The following LRCH3 variants were observed in gnomAD, a reference collection of about 807,000 sequenced individuals.
LRCH3 encodes DISP complex protein LRCH3.
In LRCH3, 68 loss-of-function variants were observed where a neutral mutation model predicts 104.5. That is an observed-to-expected ratio of 0.65 (90% CI 0.54 to 0.80). The LOEUF (loss-of-function observed/expected upper bound fraction) is 0.80. Ranked by LOEUF, LRCH3 falls within the 30% of genes least tolerant of loss-of-function variation. The probability of loss-of-function intolerance (pLI) is 0.00; values close to 1 mark genes in which losing one functional copy is unlikely to be tolerated. For synonymous variants in LRCH3, 344 were observed against 361.3 expected, an observed-to-expected ratio of 0.95 and a Z score of 0.54; for missense variants, 951 against 953.9, an observed-to-expected ratio of 1.00 and a Z score of 0.04.
intron 1 of LRCH3, among the ~76,000 whole-genome samples, chr3:197,812,504 GTTTTTTTTTTTT>G (rs71623380): frequency 6.1e-5 from 3 of 48,956 alleles, no homozygotes; most frequent in Non-Finnish European, 1.1e-4. Flanking sequence ...TCTGCTTTCA[GTTTTTTTTTTTT>G]TTTTTTTTTT....
chr3:197,870,065 C>T (rs947421286), intron 17 of LRCH3, 95 bp from the exon 18 acceptor site: 2 of 1,270,500 alleles, frequency 1.6e-6, no homozygotes, highest in Admixed American at 1.9e-5. Context: ...GAAAGCCATG[C>T]ACTGCACTTG....
rs765987791 is a variant in LRCH3 at position 197,832,227 on chromosome 3, C to T, written c.1012C>T (p.Arg338Ter). Residue 338 changes from arginine to a stop codon, truncating the protein, a stop_gained, in exon 8 of 21, where the codon CGA becomes TGA. Coordinates refer to ENST00000425562, the MANE Select transcript of LRCH3 (RefSeq NM_001365715.1). LOFTEE classifies it high-confidence loss of function. Reference protein sequence around the residue: ...PTDEFSDLPLRVAEITKEQRL... With the variant: ...PTDEFSDLPL ...AGATGAATTTTCAGATCTGCCTCTT[C>T]GAGTAGCAGAGATTACTAAAGAACA... 6.8e-6 allele frequency: 11 copies of T among 1,612,576 alleles called. No individual in the cohort carries two copies. Among genetic ancestry groups the T allele is most frequent in the Admixed American group, 3.3e-5 (2 of 59,994 alleles).
chr3:197,803,961 T>C (rs1732180950), intron 1 of LRCH3, among the ~76,000 whole-genome samples: 1 of 151,856 alleles, frequency 6.6e-6, no homozygotes. Context: ...ATCAGTCTAT[T>C]AAAAAATGAA....
intron 10 of LRCH3, among the ~76,000 whole-genome samples, chr3:197,839,973 A>G (rs112719653): frequency 3.4e-5 from 5 of 147,046 alleles, no homozygotes; most frequent in African/African-American, 1.2e-4. Context: ...CCCTGTCTCA[A>G]AAAAAAAAAA....
intron 17 of LRCH3, among the ~76,000 whole-genome samples, chr3:197,868,110 TG>T (rs1711566133): frequency 6.6e-6 from 1 of 152,210 alleles, no homozygotes; most frequent in Admixed American, 6.5e-5. Context: ...ACAGATGCAC[TG>T]CTGGTGAGAG....
intron 9 of LRCH3, among the ~76,000 whole-genome samples, chr3:197,837,103 C>A (rs1309591648): frequency 6.6e-6 from 1 of 152,132 alleles, no homozygotes; most frequent in Non-Finnish European, 1.5e-5. Context: ...TTAGATAAGT[C>A]AAAGTCCTAC....
At position 197,827,021 on chromosome 3, in the gene LRCH3, C is replaced by T; in HGVS notation, c.777+7C>T. The T allele has an allele frequency of 6.2e-7, 1 of 1,611,262 alleles. No individual in the cohort carries two copies. The highest frequency in any genetic ancestry group is 8.5e-7 in the Non-Finnish European group (1 of 1,179,244). The stretch of plus-strand genomic sequence containing the variant: ...ACAATCACCTCCTGCACAGGTAAAC[C>T]ATAGTGGAAGCATCAGGTAAACCAT... On this transcript the variant is annotated splice_region_variant and intron_variant, in intron 5 of 20. Transcript: ENST00000425562.
At chr3:197,821,210 A>G (rs1734451894) in intron 4 of LRCH3, among the ~76,000 whole-genome samples, 1 of 152,212 alleles carries the variant, frequency 6.6e-6, no homozygotes, top group South Asian at 2.1e-4. Context: ...ACAGAGGCTA[A>G]TGAACCATGT....
At chr3:197,839,734 CT>C (rs1195688196) in intron 10 of LRCH3, among the ~76,000 whole-genome samples, 15 of 152,110 alleles carry the variant, frequency 9.9e-5, no homozygotes, top group African/African-American at 3.6e-4. Context: ...AATCCCAACA[CT>C]TTGGGAGGCC....
chr3:197,805,825 C>A (rs1371427632), intron 1 of LRCH3, among the ~76,000 whole-genome samples: 2 of 152,108 alleles, frequency 1.3e-5, no homozygotes, highest in Middle Eastern at 6.8e-3. Flanking sequence ...TCGGTACTTA[C>A]AGAACCCAAA....
intron 4 of LRCH3, among the ~76,000 whole-genome samples, chr3:197,822,145 C>T (rs771305415): frequency 2.2e-4 from 33 of 152,236 alleles, no homozygotes; most frequent in African/African-American, 3.1e-4. Flanking sequence ...CTTTTATATA[C>T]TTACTGCAAC....
At chr3:197,839,288 A>G (rs1247368798) in intron 9 of LRCH3, 33 bp from the exon 10 acceptor site, 2 of 1,435,962 alleles carry the variant, frequency 1.4e-6, no homozygotes, top group Non-Finnish European at 1.9e-6. Flanking sequence ...GGATTAATAT[A>G]CTAAATTTAT....
chr3:197,844,382 C>T (rs941113248), intron 10 of LRCH3, among the ~76,000 whole-genome samples: 4 of 152,010 alleles, frequency 2.6e-5, no homozygotes, highest in Non-Finnish European at 4.4e-5. Context: ...GTCCTAGAGG[C>T]TAAATGAGAA....
At chr3:197,837,946 G>A (rs1737094588) in intron 9 of LRCH3, among the ~76,000 whole-genome samples, 1 of 151,972 alleles carries the variant, frequency 6.6e-6, no homozygotes, top group South Asian at 2.1e-4. Context: ...TGTAATCCCA[G>A]CCACTCGGGA....
At chr3:197,827,227 CCATGGTGGAAGCATCAGATAAAT>C (rs746328319) in intron 5 of LRCH3, among the ~76,000 whole-genome samples, 12 of 148,206 alleles carry the variant, frequency 8.1e-5, no homozygotes, top group African/African-American at 2.8e-4. Flanking sequence ...ATCAGGTAAA[CCATGGTGGAAGCATCAGATAAAT>C]CATGGTGGAA....
intron 19 of LRCH3, among the ~76,000 whole-genome samples, chr3:197,873,781 G>C (rs1416135818): frequency 6.6e-6 from 1 of 152,056 alleles, no homozygotes; most frequent in Admixed American, 6.6e-5. Context: ...CCAGCACTTT[G>C]GGAGGCCCAG....
At chr3:197,839,202 T>C in intron 9 of LRCH3, 119 bp from the exon 10 acceptor site, 1 of 643,398 alleles carries the variant, frequency 1.6e-6, no homozygotes, top group Non-Finnish European at 2.6e-6. Flanking sequence ...ATTTGAAGAG[T>C]CTATTAAAAT....
intron 9 of LRCH3, among the ~76,000 whole-genome samples, chr3:197,837,773 A>T (rs1179292610): frequency 2.0e-5 from 3 of 152,180 alleles, no homozygotes; most frequent in East Asian, 1.9e-4. Flanking sequence ...GGGGCTGGAC[A>T]TGGTGGCTCA....
At chr3:197,879,622 A>C (rs1356786848) in intron 20 of LRCH3, among the ~76,000 whole-genome samples, 2 of 151,532 alleles carry the variant, frequency 1.3e-5, no homozygotes, top group African/African-American at 2.5e-5. Context: ...GTCTCAAAAA[A>C]AATAAAAAAT....
Sources: gnomAD v4.1 joint callset for allele counts (sites outside exome capture counted in the v4.1 genomes callset) on GRCh38, gnomAD v4.1.1 for gene constraint, MANE v1.5 for transcripts, NCBI Gene and HGNC (gene_info 2026-07-23, HGNC 2026-07-21) for gene names.